The following CACNA1C variants were observed in gnomAD, a reference collection of about 807,000 sequenced individuals.
The protein encoded by CACNA1C is voltage-dependent L-type calcium channel subunit alpha-1C.
Under a neutral mutation model 229.0 loss-of-function variants are expected in CACNA1C, and 30 were observed. The observed-to-expected ratio is 0.13, with a 90% CI of 0.10 to 0.18. The LOEUF (loss-of-function observed/expected upper bound fraction) is 0.18. CACNA1C is among the 10% of genes least tolerant of loss of function. The pLI, the probability that CACNA1C is intolerant of heterozygous loss-of-function variation, is 1.00. For missense variants in CACNA1C, 1,658 were observed against 2,845.0 expected (o/e 0.58, Z 9.49); for synonymous variants, 1,114 against 1,132.5 (o/e 0.98, Z 0.33).
intron 3 of CACNA1C, among the ~76,000 whole-genome samples, chr12:2,373,961 G>C (rs575716970): frequency 6.6e-6 from 1 of 152,152 alleles, no homozygotes; most frequent in Non-Finnish European, 1.5e-5. Context: ...TAGAGCCAGC[G>C]GGGGCCTTAC....
intron 1 of CACNA1C, among the ~76,000 whole-genome samples, chr12:1,973,966 C>A (rs2033426956): frequency 1.3e-5 from 2 of 152,142 alleles, no homozygotes; most frequent in Non-Finnish European, 2.9e-5. Context: ...TAAACAGTCC[C>A]AACTTTTTCT....
At chr12:2,023,266 G>T in intron 1 of CACNA1C, among the ~76,000 whole-genome samples, 1 of 152,194 alleles carries the variant, frequency 6.6e-6, no homozygotes, top group East Asian at 1.9e-4. Flanking sequence ...TGGTCTTACT[G>T]CCCTGGACAG....
intron 3 of CACNA1C, among the ~76,000 whole-genome samples, chr12:2,360,181 A>C (rs867850174): frequency 0.3 from 7,138 of 23,678 alleles, 368 homozygotes; most frequent in East Asian, 0.42. Flanking sequence ...CCCACCCCAC[A>C]CACACACACA....
chr12:2,674,866 G>GAAAC (rs1434625077), intron 39 of CACNA1C, among the ~76,000 whole-genome samples: 5 of 152,200 alleles, frequency 3.3e-5, no homozygotes, highest in African/African-American at 1.2e-4. Context: ...CACAAACTCA[G>GAAAC]AAACAGAAAG....
At chr12:2,192,431 G>A (rs536330850) in intron 3 of CACNA1C, among the ~76,000 whole-genome samples, 9 of 152,120 alleles carry the variant, frequency 5.9e-5, no homozygotes, top group Admixed American at 5.2e-4. Context: ...CCGTGCCTGC[G>A]GACTCACAGC....
chr12:2,582,788 C>G, intron 14 of CACNA1C, 34 bp from the exon 15 acceptor site: 1 of 1,612,240 alleles, frequency 6.2e-7, no homozygotes, highest in Non-Finnish European at 8.5e-7. Context: ...TGGTCTAACG[C>G]TGTGTCCCTT....
At chr12:2,094,163 T>C (rs1415174645) in intron 1 of CACNA1C, among the ~76,000 whole-genome samples, 3 of 152,122 alleles carry the variant, frequency 2.0e-5, no homozygotes. Flanking sequence ...TCAAGGGAAA[T>C]GAATGAGCAG....
chr12:2,215,488 C>T lies in CACNA1C; in HGVS notation c.477+95058C>T, dbSNP rs982816641. 5.3e-5 allele frequency among the ~76,000 whole-genome samples: 8 copies of T among 152,160 alleles called. No homozygotes were observed. The highest frequency in any genetic ancestry group is 2.1e-4 in the South Asian group (1 of 4,822). On this transcript the variant is annotated intron_variant, in intron 3 of 46. Transcript: ENST00000399655. The surrounding 1 kb of genome is among the most constrained non-coding windows in gnomAD (Gnocchi z 5.0). ...CCTAGGCTTGGTTCCTCTCCTTCCTCGGGGCCTGATTCCTCCAGCTCATGC... is the reference window on the plus strand; with the variant it reads ...CCTAGGCTTGGTTCCTCTCCTTCCTTGGGGCCTGATTCCTCCAGCTCATGC...
At chr12:2,265,493 C>T (rs552731160) in intron 3 of CACNA1C, among the ~76,000 whole-genome samples, 2 of 152,290 alleles carry the variant, frequency 1.3e-5, no homozygotes, top group African/African-American at 4.8e-5. Context: ...GGCAAGGATC[C>T]AGGACTCCTG....
chr12:2,651,389 G>A lies in CACNA1C; in HGVS notation c.3946-251G>A, dbSNP rs1012376776. The stretch of plus-strand genomic sequence containing the variant: ...TAAGAACTAGGAATGAAGGGGAATC[G>A]GGGAGAATAAAAACACAGGACCACA... On this transcript the variant is annotated intron_variant, in intron 31 of 46. Coordinates refer to ENST00000399655, the MANE Select transcript of CACNA1C (RefSeq NM_000719.7). This position sits in a 1 kb window ranked among gnomAD's most constrained non-coding sequence, Gnocchi z 5.4. The A allele has an allele frequency of 8.1e-5, 46 of 566,340 alleles. No individual in the cohort carries two copies. Among genetic ancestry groups the A allele is most frequent in the East Asian group, 7.1e-4 (25 of 35,132 alleles). 35.1% of individuals were successfully genotyped at this position (566,340 alleles called of 1,614,324 possible).
At chr12:2,600,784 T>C (rs1403527842) in intron 21 of CACNA1C, among the ~76,000 whole-genome samples, 1 of 152,234 alleles carries the variant, frequency 6.6e-6, no homozygotes, top group Non-Finnish European at 1.5e-5. Context: ...TTCCTCACCT[T>C]TTGATGAGAA....
At chr12:2,225,893 T>C (rs1198029716) in intron 3 of CACNA1C, among the ~76,000 whole-genome samples, 1 of 152,130 alleles carries the variant, frequency 6.6e-6, no homozygotes, top group Non-Finnish European at 1.5e-5. Context: ...GCCATACAAA[T>C]GTAATCACTG....
chr12:2,044,206 T>C (rs1351244679), intron 1 of CACNA1C, among the ~76,000 whole-genome samples: 1 of 152,210 alleles, frequency 6.6e-6, no homozygotes, highest in Admixed American at 6.5e-5. Flanking sequence ...AAGTATGACT[T>C]TGACTGAAGG....
chr12:2,515,540 C>T (rs1015953860), intron 9 of CACNA1C, among the ~76,000 whole-genome samples: 1 of 152,236 alleles, frequency 6.6e-6, no homozygotes, highest in Admixed American at 6.5e-5. Flanking sequence ...TGCCAATTCT[C>T]TTCAGCTCAA....
chr12:2,618,828 A>C (rs1216102448), intron 29 of CACNA1C, among the ~76,000 whole-genome samples: 1 of 152,206 alleles, frequency 6.6e-6, no homozygotes, highest in Non-Finnish European at 1.5e-5. Context: ...TTGAAAGCGG[A>C]GAATCTTCTA....
chr12:2,688,130 G>T (rs775013444), intron 45 of CACNA1C, among the ~76,000 whole-genome samples: 1 of 152,200 alleles, frequency 6.6e-6, no homozygotes, highest in Non-Finnish European at 1.5e-5. Flanking sequence ...AACCAAGAGC[G>T]AGAGAATGCA....
intron 3 of CACNA1C, among the ~76,000 whole-genome samples, chr12:2,233,022 C>T (rs1269530500): frequency 2.6e-5 from 4 of 152,200 alleles, no homozygotes; most frequent in African/African-American, 7.2e-5. Context: ...TCAACTGTTA[C>T]TCCAAGGAGT....
chr12:2,237,043 C>G (rs2067672608), intron 3 of CACNA1C, among the ~76,000 whole-genome samples: 1 of 152,192 alleles, frequency 6.6e-6, no homozygotes, highest in African/African-American at 2.4e-5. Context: ...CTGAGTCTTG[C>G]TGTGTTAATG....
At chr12:2,127,851 C>T (rs1176484142) in intron 3 of CACNA1C, among the ~76,000 whole-genome samples, 2 of 152,168 alleles carry the variant, frequency 1.3e-5, no homozygotes, top group Non-Finnish European at 2.9e-5. Context: ...TCTCTTTTGG[C>T]ACGTGGAGTA....
Sources: gnomAD v4.1 joint callset for allele counts (sites outside exome capture counted in the v4.1 genomes callset) on GRCh38, gnomAD v4.1.1 for gene constraint, Gnocchi (gnomAD v3.1) non-coding constraint, MANE v1.5 for transcripts, NCBI Gene and HGNC (gene_info 2026-07-23, HGNC 2026-07-21) for gene names.